RAD18: variants seen among roughly 807,000 people sequenced by gnomAD.
The protein encoded by RAD18 is RAD18 E3 ubiquitin protein ligase.
RAD18 carries 47 observed loss-of-function variants against 60.4 expected under a neutral mutation model. That is an observed-to-expected ratio of 0.78 (90% confidence interval 0.62 to 0.99). The LOEUF is 0.99. Ranked by LOEUF, RAD18 falls within the 50% of genes least tolerant of loss-of-function variation. The pLI is 0.00. For synonymous variants in RAD18, 225 were observed against 195.5 expected (o/e 1.15, Z -1.26); for missense variants, 640 against 593.3 (o/e 1.08, Z -0.82).
intron 7 of RAD18, among the ~76,000 whole-genome samples, chr3:8,930,142 TTTA>T (rs1940526242): frequency 6.6e-6 from 1 of 152,232 alleles, no homozygotes; most frequent in Admixed American, 6.5e-5. Context: ...AACAGCATTA[TTTA>T]TAATAGCCAA....
intron 7 of RAD18, among the ~76,000 whole-genome samples, chr3:8,922,392 G>C (rs566858967): frequency 1.5e-4 from 23 of 152,354 alleles, no homozygotes; most frequent in Middle Eastern, 6.8e-3. Flanking sequence ...GCTGGGGGAG[G>C]GGTGCCTGCC....
intron 12 of RAD18, among the ~76,000 whole-genome samples, chr3:8,887,736 C>T (rs1939594097): frequency 6.6e-6 from 1 of 152,140 alleles, no homozygotes; most frequent in Non-Finnish European, 1.5e-5. Context: ...AGGGAACCAT[C>T]AGACAGGCTA....
Position 8,958,368 on chromosome 3 carries a change from T to C in RAD18, c.133+552A>G, listed in dbSNP as rs150898005. Among the ~76,000 whole-genome samples the C allele has an allele frequency of 2.0e-5, 3 of 152,322 alleles. No homozygotes were observed. In the East Asian group the frequency reaches 5.8e-4, roughly 29 times the overall value. ...TAGGGTAACCCCTATGCACTAAATA[T>C]CTTAAGGTACGATATTTTTAAATGC... On this transcript the variant is annotated intron_variant, in intron 2 of 12. Coordinates refer to ENST00000264926, the MANE Select transcript of RAD18 (RefSeq NM_020165.4).
intron 10 of RAD18, among the ~76,000 whole-genome samples, chr3:8,900,550 C>T (rs1057233874): frequency 2.0e-5 from 3 of 152,188 alleles, no homozygotes; most frequent in African/African-American, 7.2e-5. Context: ...AGTTATCCTT[C>T]CTACTTGCCC....
In RAD18 at chr3:8,881,333, T is replaced by C. The variant is rs1939458097; in HGVS notation, c.*24A>G. The C allele has an allele frequency of 6.5e-7, 1 of 1,544,402 alleles. No individual in the cohort carries two copies. Among genetic ancestry groups the C allele is most frequent in the Admixed American group, 1.7e-5 (1 of 58,342 alleles). ...AAGTACGGTATTCTAATCAATGCATTTGAAAAGTCAGCAAAAGCCCACATT... is the reference window on the plus strand; with the variant it reads ...AAGTACGGTATTCTAATCAATGCATCTGAAAAGTCAGCAAAAGCCCACATT... On this transcript the variant is annotated 3_prime_UTR_variant, in exon 13 of 13. Coordinates refer to ENST00000264926, the MANE Select transcript of RAD18 (RefSeq NM_020165.4).
intron 7 of RAD18, among the ~76,000 whole-genome samples, chr3:8,919,366 C>T (rs749178220): frequency 9.2e-5 from 14 of 152,074 alleles, no homozygotes; most frequent in East Asian, 5.8e-4. Flanking sequence ...AGGAAAATCA[C>T]GACTCGAATG....
At chr3:8,925,466 G>A (rs1161386471) in intron 7 of RAD18, among the ~76,000 whole-genome samples, 4 of 152,068 alleles carry the variant, frequency 2.6e-5, no homozygotes, top group Non-Finnish European at 2.9e-5. Context: ...ATTCACAGCC[G>A]AATTCCACCA....
chr3:8,943,005 T>C (rs1462428193), intron 4 of RAD18, among the ~76,000 whole-genome samples: 1 of 152,086 alleles, frequency 6.6e-6, no homozygotes, highest in African/African-American at 2.4e-5. Context: ...CTTAGAAAAA[T>C]GGACCACACT....
intron 4 of RAD18, among the ~76,000 whole-genome samples, chr3:8,945,722 G>A (rs533826008): frequency 1.7e-4 from 26 of 151,866 alleles, no homozygotes; most frequent in South Asian, 6.2e-4. Context: ...CACCCACCTC[G>A]GCCTCCGAAA....
intron 2 of RAD18, among the ~76,000 whole-genome samples, chr3:8,956,177 C>G (rs1315069037): frequency 5.3e-5 from 8 of 152,318 alleles, no homozygotes; most frequent in African/African-American, 1.9e-4. Flanking sequence ...TTCACCTTTT[C>G]ACTTAAAGGA....
intron 7 of RAD18, among the ~76,000 whole-genome samples, chr3:8,918,469 C>A (rs1040517608): frequency 1.3e-5 from 2 of 152,070 alleles, no homozygotes; most frequent in Non-Finnish European, 2.9e-5. Context: ...GGATTAGACT[C>A]ATTTCTCCGC....
At chr3:8,919,866 G>A (rs1940284350) in intron 7 of RAD18, among the ~76,000 whole-genome samples, 1 of 152,178 alleles carries the variant, frequency 6.6e-6, no homozygotes, top group Non-Finnish European at 1.5e-5. Flanking sequence ...ATGTCATGAG[G>A]ACAGGAATTA....
intron 7 of RAD18, among the ~76,000 whole-genome samples, chr3:8,933,944 C>A (rs145033975): frequency 5.9e-5 from 9 of 152,174 alleles, no homozygotes; most frequent in Non-Finnish European, 1.0e-4. Context: ...TCCTGCTCAA[C>A]GGTAAATAAT....
chr3:8,909,495 G>A (rs341779), intron 9 of RAD18, among the ~76,000 whole-genome samples: 126,519 of 151,536 alleles, frequency 0.83, 53,043 homozygotes, highest in South Asian at 0.9. Flanking sequence ...ACAGAACTTG[G>A]TGGTGAACTG....
intron 11 of RAD18, among the ~76,000 whole-genome samples, chr3:8,892,487 T>A (rs553342646): frequency 2.0e-5 from 3 of 152,208 alleles, no homozygotes; most frequent in Non-Finnish European, 4.4e-5. Flanking sequence ...ATAGGCTTAT[T>A]TAGAACACCT....
At position 8,936,021 on chromosome 3, in the gene RAD18, C is replaced by T. The variant is rs762307810; in HGVS notation, c.739G>A (p.Val247Ile). 25 of 1,600,172 alleles carry T rather than the reference C, an allele frequency of 1.6e-5. No homozygotes were observed. In the Admixed American group the frequency reaches 3.7e-4, roughly 24 times the overall value. The change falls in exon 7 of 13, where the codon GTA becomes ATA. Residue 247 changes from valine to isoleucine, a missense_variant. Coordinates refer to ENST00000264926, the MANE Select transcript of RAD18 (RefSeq NM_020165.4). ...TCACGATCAGAGAGCAAATTATATA[C>T]AGTTTTGGGCAGCGGCTTCCTTTTG... is the stretch of plus-strand genomic sequence containing the variant. ...VHKRKPLPKT[V>I]YNLLSDRDLK...
At chr3:8,925,436 A>G (rs1940416250) in intron 7 of RAD18, among the ~76,000 whole-genome samples, 1 of 152,208 alleles carries the variant, frequency 6.6e-6, no homozygotes, top group Non-Finnish European at 1.5e-5. Flanking sequence ...ACCAACCAAA[A>G]AAAGTCCAGG....
chr3:8,890,598 G>A (rs1388717784), intron 11 of RAD18, 147 bp from the exon 12 acceptor site: 12 of 563,428 alleles, frequency 2.1e-5, no homozygotes, highest in Non-Finnish European at 1.2e-5. Context: ...GAGAGTGGGG[G>A]TGGGCAAGGA....
At chr3:8,895,874 GCT>G (rs1939774195) in intron 11 of RAD18, among the ~76,000 whole-genome samples, 1 of 152,164 alleles carries the variant, frequency 6.6e-6, no homozygotes, top group Admixed American at 6.5e-5. Flanking sequence ...GAGGTCACAT[GCT>G]ATACATGCTG....
Sources: allele counts gnomAD v4.1 joint callset (sites outside exome capture counted in the v4.1 genomes callset), GRCh38; gene constraint gnomAD v4.1.1; transcripts MANE v1.5; gene names NCBI Gene and HGNC (gene_info 2026-07-23, HGNC 2026-07-21).